PPP2R1B: variants seen among roughly 807,000 people sequenced by gnomAD.
The protein encoded by PPP2R1B is protein phosphatase 2 scaffold subunit Abeta.
PPP2R1B carries 58 observed loss-of-function variants against 72.7 expected under a neutral mutation model. The ratio of observed to expected loss-of-function variants is 0.80; its 90% CI spans 0.65 to 0.99. PPP2R1B has a LOEUF of 0.99. Ranked by LOEUF, PPP2R1B falls within the 50% of genes least tolerant of loss-of-function variation. The probability of loss-of-function intolerance (pLI) is 0.00; values close to 1 mark genes in which losing one functional copy is unlikely to be tolerated. For synonymous variants in PPP2R1B, 256 were observed against 264.6 expected, an observed-to-expected ratio of 0.97 and a Z score of 0.32; for missense variants, 695 against 733.6, an observed-to-expected ratio of 0.95 and a Z score of 0.61.
intron 3 of PPP2R1B, 78 bp downstream of exon 3, chr11:111,764,727 G>C: frequency 7.1e-7 from 1 of 1,402,384 alleles, no homozygotes; most frequent in Non-Finnish European, 9.9e-7. Flanking sequence ...AAATGCTGCA[G>C]TGTGTCTATC....
Position 111,750,400 on chromosome 11 carries a change from C to A in PPP2R1B, c.1338+1759G>T, listed in dbSNP as rs548308828. The stretch of plus-strand genomic sequence containing the variant: ...CACAGTGGCTCATGCCTATTATCAG[C>A]TACTCAGGAGGCCGAGGCAGGAGGA... On this transcript the variant is annotated intron_variant, in intron 10 of 14. Transcript: ENST00000527614. Among the ~76,000 whole-genome samples, 3 of 152,274 alleles carry A rather than the reference C, an allele frequency of 2.0e-5. No homozygotes were observed. In the East Asian group the frequency reaches 5.8e-4, roughly 29 times the overall value.
the PPP2R1B span, among the ~76,000 whole-genome samples, chr11:111,711,306 A>G: frequency 6.6e-6 from 1 of 152,048 alleles, no homozygotes; most frequent in African/African-American, 2.4e-5. Flanking sequence ...TATTTTTAGT[A>G]GAGACGGGGT....
chr11:111,766,134 T>G, intron 1 of PPP2R1B, 114 bp downstream of exon 1: 1 of 974,414 alleles, frequency 1.0e-6, no homozygotes, highest in Non-Finnish European at 1.6e-6. Context: ...AAGTTTCTGC[T>G]ACGAGTCCGA....
Position 111,738,959 on chromosome 11 carries a change from T to C in PPP2R1B, c.*2637A>G. 2 of 984,422 alleles carry C rather than the reference T, an allele frequency of 2.0e-6. No individual in the cohort carries two copies. The highest frequency in any genetic ancestry group is 2.4e-6 in the Non-Finnish European group (2 of 830,102). The allele number at this position is 984,422 out of a possible 1,614,324, so 61.0% of individuals were successfully genotyped here. A position where few individuals can be genotyped will look rare whatever the true frequency, so the allele number is the denominator to read the frequency against. On this transcript the variant is annotated 3_prime_UTR_variant, in exon 15 of 15. Coordinates refer to ENST00000527614, the MANE Select transcript of PPP2R1B (RefSeq NM_002716.5). ...TTTTTCTAATCAAACAAACAACTGA[T>C]GTAAGCTGCCAAGGATGAAAAACAA... is the stretch of plus-strand genomic sequence containing the variant.
At chr11:111,750,843 G>GT (rs11410952) in intron 10 of PPP2R1B, among the ~76,000 whole-genome samples, 50,384 of 145,450 alleles carry the variant, frequency 0.35, 8,955 homozygotes, top group East Asian at 0.62. Flanking sequence ...TTTTTGTTTT[G>GT]TTTTTTTTTT....
the PPP2R1B span, among the ~76,000 whole-genome samples, chr11:111,696,539 C>T: frequency 1.3e-5 from 2 of 152,092 alleles, no homozygotes; most frequent in African/African-American, 4.8e-5. Flanking sequence ...AGGAACATAG[C>T]CATAGTTTTA....
Position 111,755,330 on chromosome 11 carries a change from G to C in PPP2R1B, c.808C>G (p.Arg270Gly). The stretch of plus-strand genomic sequence containing the variant: ...CTGTCAGCCACCATATAGCGAACGC[G>C]CCAAGATTTATCTTCTGCTGCTTGT... ...LRQAAEDKSW[R>G]VRYMVADRFS... Residue 270 changes from arginine (R) to glycine (G), a missense_variant, in exon 6 of 15, where the codon CGC becomes GGC. Physicochemically the swap from Arg to Gly is moderately radical, Grantham distance 125 (BLOSUM62 -2). Transcript: ENST00000527614. 1.9e-6 allele frequency: 3 copies of C among 1,612,340 alleles called. No homozygotes were observed. Among genetic ancestry groups the C allele is most frequent in the Non-Finnish European group, 2.5e-6 (3 of 1,179,644 alleles).
the PPP2R1B span, among the ~76,000 whole-genome samples, chr11:111,693,540 ATTAAG>A: frequency 6.6e-6 from 1 of 152,234 alleles, no homozygotes; most frequent in Non-Finnish European, 1.5e-5. Flanking sequence ...CTGTTCAGGC[ATTAAG>A]TTGAGAATAA....
chr11:111,720,207 A>T, the PPP2R1B span, among the ~76,000 whole-genome samples: 1 of 152,196 alleles, frequency 6.6e-6, no homozygotes, highest in Non-Finnish European at 1.5e-5. Flanking sequence ...TGGCTCCCAT[A>T]GTCCCCAGGA....
At chr11:111,765,261 T>C (rs1555052644) in intron 2 of PPP2R1B, 33 bp downstream of exon 2, 3 of 1,561,494 alleles carry the variant, frequency 1.9e-6, no homozygotes, top group South Asian at 1.1e-5. Context: ...AAATGGAATG[T>C]CCCTACCTTT....
rs780087208 is a variant in PPP2R1B, at chr11:111,738,660, C to G, written c.*2936G>C. The G allele has an allele frequency of 2.0e-6, 2 of 985,376 alleles. No individual in the cohort carries two copies. The highest frequency in any genetic ancestry group is 1.2e-6 in the Non-Finnish European group (1 of 829,938). 61.0% of individuals were successfully genotyped at this position (985,376 alleles called of 1,614,324 possible). A position where few individuals can be genotyped will look rare whatever the true frequency, so the allele number is the denominator to read the frequency against. ...GTATTTCTGTGAGCTGAGGGCAGCC[C>G]GTTATTTCAACAAGACCTCGTTAGA... On this transcript the variant is annotated 3_prime_UTR_variant, in exon 15 of 15. Coordinates refer to ENST00000527614, the MANE Select transcript of PPP2R1B (RefSeq NM_002716.5).
the PPP2R1B span, among the ~76,000 whole-genome samples, chr11:111,709,361 G>A: frequency 6.6e-6 from 1 of 152,206 alleles, no homozygotes; most frequent in Non-Finnish European, 1.5e-5. Flanking sequence ...CACATTAGTG[G>A]TGAGGGGCTC....
chr11:111,707,512 C>G, the PPP2R1B span, among the ~76,000 whole-genome samples: 3 of 152,136 alleles, frequency 2.0e-5, no homozygotes, highest in Non-Finnish European at 4.4e-5. Context: ...ACTGAAAATG[C>G]TTCTACTTCA....
chr11:111,723,984 G>C, downstream of PPP2R1B: 2 of 1,614,168 alleles, frequency 1.2e-6, no homozygotes, highest in Non-Finnish European at 1.7e-6. Context: ...GACCTAACGG[G>C]GCCAGACTGT....
chr11:111,755,152 A>G, intron 6 of PPP2R1B, 58 bp from the exon 7 acceptor site: 1 of 1,548,206 alleles, frequency 6.5e-7, no homozygotes, highest in East Asian at 2.3e-5. Flanking sequence ...AACAAGAACA[A>G]AACAAAATTG....
the PPP2R1B span, among the ~76,000 whole-genome samples, chr11:111,699,240 G>T: frequency 6.6e-6 from 1 of 152,132 alleles, no homozygotes; most frequent in African/African-American, 2.4e-5. Context: ...TTGTTCACCA[G>T]GTTTAGACTG....
Position 111,739,083 on chromosome 11 carries a change from G to A in PPP2R1B, c.*2513C>T, listed in dbSNP as rs1944433671. The A allele has an allele frequency of 1.0e-6, 1 of 985,366 alleles. No individual in the cohort carries two copies. The highest frequency in any genetic ancestry group is 1.7e-5 in the African/African-American group (1 of 57,324). The allele number at this position is 985,366 out of a possible 1,614,324, so 61.0% of individuals were successfully genotyped here. ...CATAAAGCTTGTTTCCTGAAAGCAG[G>A]AAAATCTTTCTGTCAGTGGGAGAAT... On this transcript the variant is annotated 3_prime_UTR_variant, in exon 15 of 15. Transcript: ENST00000527614.
At chr11:111,757,363 A>G (rs1037960971) in intron 5 of PPP2R1B, among the ~76,000 whole-genome samples, 2 of 152,214 alleles carry the variant, frequency 1.3e-5, no homozygotes, top group Admixed American at 6.5e-5. Context: ...TGTATCAACA[A>G]TAACTGACTA....
chr11:111,741,603 A>C lies in PPP2R1B; in HGVS notation c.1799T>G (p.Leu600Trp). The change falls in exon 15 of 15, where the codon TTG becomes TGG. Residue 600 changes from leucine (L) to tryptophan (W), a missense_variant. By Grantham distance (61) the Leu-to-Trp change is moderately conservative (BLOSUM62 -2). Coordinates refer to ENST00000527614, the MANE Select transcript of PPP2R1B (RefSeq NM_002716.5). ...FAQEAISVLA[L>W]A ...TTTCCCTCCTGCTCCTCATTATGCC[A>C]ATGCAAGAACTGGAAAATTCCAAAC... 1 of 1,613,378 alleles carries C rather than the reference A, an allele frequency of 6.2e-7. No individual in the cohort carries two copies. The highest frequency in any genetic ancestry group is 8.5e-7 in the Non-Finnish European group (1 of 1,179,862).
Sources: gnomAD v4.1 joint callset for allele counts (sites outside exome capture counted in the v4.1 genomes callset) on GRCh38, gnomAD v4.1.1 for gene constraint, MANE v1.5 for transcripts, NCBI Gene and HGNC (gene_info 2026-07-23, HGNC 2026-07-21) for gene names.